The following BCAS3 variants were observed in gnomAD, a reference collection of about 807,000 sequenced individuals.
BCAS3 encodes the protein BCAS3 microtubule associated cell migration factor.
BCAS3 carries 53 observed loss-of-function variants against 116.1 expected under a neutral mutation model. The observed-to-expected ratio is 0.46, with a 90% CI of 0.37 to 0.57. The LOEUF is 0.57. BCAS3 is among the 20% of genes least tolerant of loss of function. The pLI is 0.00. For missense variants in BCAS3, 917 were observed against 1,165.4 expected, an observed-to-expected ratio of 0.79 and a Z score of 3.10; for synonymous variants, 391 against 408.2, an observed-to-expected ratio of 0.96 and a Z score of 0.51.
rs1031021699 is a variant in BCAS3, at chr17:61,037,411, A to G, written c.1763-478A>G. On this transcript the variant is annotated intron_variant, in intron 17 of 23. Coordinates refer to ENST00000407086, the MANE Select transcript of BCAS3 (RefSeq NM_017679.5). The surrounding 1 kb of genome is among the most constrained non-coding windows in gnomAD (Gnocchi z 4.7). ...TTGAAAATACTCTGATATCATAGAC[A>G]TTTTCATATTCACTAGCATGTGCTT... 3.9e-5 allele frequency among the ~76,000 whole-genome samples: 6 copies of G among 152,208 alleles called. No individual in the cohort carries two copies. Among genetic ancestry groups the G allele is most frequent in the African/African-American group, 1.4e-4 (6 of 41,444 alleles).
intron 14 of BCAS3, among the ~76,000 whole-genome samples, chr17:60,951,377 A>G (rs753511040): frequency 1.1e-4 from 16 of 152,172 alleles, no homozygotes; most frequent in African/African-American, 1.9e-4. Context: ...TTTTCATGAT[A>G]TAAGTAATAC....
intron 5 of BCAS3, among the ~76,000 whole-genome samples, chr17:60,742,324 C>G (rs1449824587): frequency 2.6e-5 from 4 of 151,994 alleles, no homozygotes; most frequent in African/African-American, 9.6e-5. Context: ...TCAGATAACC[C>G]CAAAGGGTCT....
chr17:60,976,020 C>CTTTT (rs755966067), intron 14 of BCAS3, among the ~76,000 whole-genome samples: 3,141 of 97,922 alleles, frequency 0.032, 547 homozygotes, highest in African/African-American at 0.12. Context: ...TAGATTTTTG[C>CTTTT]TTTTTTTTTT....
intron 22 of BCAS3, among the ~76,000 whole-genome samples, chr17:61,133,130 A>T (rs1322798530): frequency 1.3e-5 from 2 of 152,188 alleles, no homozygotes; most frequent in Non-Finnish European, 2.9e-5. Flanking sequence ...CCTCTGTCTC[A>T]ACCAAAACCA....
chr17:60,888,959 A>G (rs1486715196), intron 9 of BCAS3, among the ~76,000 whole-genome samples: 1 of 152,192 alleles, frequency 6.6e-6, no homozygotes, highest in African/African-American at 2.4e-5. Flanking sequence ...TAGCAATAGG[A>G]ACATAGTCAG....
intron 19 of BCAS3, among the ~76,000 whole-genome samples, chr17:61,047,863 G>A (rs2068490118): frequency 6.6e-6 from 1 of 152,034 alleles, no homozygotes. Flanking sequence ...CAGCAACAGT[G>A]TTTTTAAGTT....
intron 14 of BCAS3, among the ~76,000 whole-genome samples, chr17:60,966,739 G>A (rs1006246077): frequency 2.1e-5 from 3 of 144,386 alleles, no homozygotes; most frequent in Admixed American, 7.3e-5. Context: ...TGCAACCTCC[G>A]TCTCCTGGGT....
chr17:60,980,597 A>G (rs995964135), intron 14 of BCAS3: 1 of 150,740 alleles, frequency 6.6e-6, no homozygotes, highest in Non-Finnish European at 1.5e-5. Flanking sequence ...CAGTGCTGCA[A>G]TCACAGCTCA....
chr17:60,714,343 T>G (rs1449107638), intron 5 of BCAS3, among the ~76,000 whole-genome samples: 1 of 152,172 alleles, frequency 6.6e-6, no homozygotes, highest in Non-Finnish European at 1.5e-5. Context: ...TTTTTGCTTC[T>G]AGTATATGCT....
At chr17:60,844,321 A>G (rs993909466) in intron 7 of BCAS3, among the ~76,000 whole-genome samples, 1 of 152,220 alleles carries the variant, frequency 6.6e-6, no homozygotes, top group Non-Finnish European at 1.5e-5. Flanking sequence ...TATAAAAGGC[A>G]ATAGTTCCCT....
At chr17:60,850,345 GTTTTTTTTTTTTT>G (rs10573405) in intron 7 of BCAS3, among the ~76,000 whole-genome samples, 89 of 37,728 alleles carry the variant, frequency 2.4e-3, no homozygotes, top group Non-Finnish European at 3.4e-3. Context: ...TGGCACCACT[GTTTTTTTTTTTTT>G]TTTTTTTTTT....
At chr17:61,329,736 CGGGTGA>C (rs926847834) in intron 22 of BCAS3, among the ~76,000 whole-genome samples, 2 of 152,050 alleles carry the variant, frequency 1.3e-5, no homozygotes, top group African/African-American at 2.4e-5. Flanking sequence ...GGAATAGCTC[CGGGTGA>C]GGGTGAGGAG....
At chr17:61,187,955 G>C (rs2079877699) in intron 22 of BCAS3, among the ~76,000 whole-genome samples, 1 of 151,828 alleles carries the variant, frequency 6.6e-6, no homozygotes, top group Non-Finnish European at 1.5e-5. Context: ...TATCATTAAG[G>C]TATTTTTTTT....
chr17:61,035,563 A>T (rs907202516), intron 17 of BCAS3, among the ~76,000 whole-genome samples: 2 of 146,900 alleles, frequency 1.4e-5, no homozygotes, highest in African/African-American at 5.2e-5. Flanking sequence ...AGCCTGGGTG[A>T]CAGAGCAAGA....
intron 22 of BCAS3, among the ~76,000 whole-genome samples, chr17:61,172,006 C>T (rs1221647597): frequency 1.3e-5 from 2 of 152,042 alleles, no homozygotes; most frequent in South Asian, 2.1e-4. Flanking sequence ...AATATTATCA[C>T]AGAATAAGGA....
chr17:61,270,723 G>T (rs189327201), intron 22 of BCAS3, among the ~76,000 whole-genome samples: 102 of 152,136 alleles, frequency 6.7e-4, no homozygotes, highest in African/African-American at 2.4e-3. Flanking sequence ...TATAGTTTCA[G>T]GTTTATATTT....
intron 6 of BCAS3, among the ~76,000 whole-genome samples, chr17:60,781,665 T>C (rs1490683468): frequency 6.6e-6 from 1 of 152,112 alleles, no homozygotes; most frequent in Non-Finnish European, 1.5e-5. Context: ...ACATTTCTTC[T>C]TATTGTTTTT....
chr17:61,033,550 C>G (rs563211383), intron 16 of BCAS3, among the ~76,000 whole-genome samples: 1 of 152,270 alleles, frequency 6.6e-6, no homozygotes, highest in Non-Finnish European at 1.5e-5. Flanking sequence ...AAAACTATCT[C>G]TTTCCATCCC....
intron 7 of BCAS3, among the ~76,000 whole-genome samples, chr17:60,836,850 A>C (rs1220799954): frequency 6.6e-6 from 1 of 152,208 alleles, no homozygotes; most frequent in Non-Finnish European, 1.5e-5. Context: ...ATGTTAGATC[A>C]AGTTATGTAG....
Sources: gnomAD v4.1 joint callset for allele counts (sites outside exome capture counted in the v4.1 genomes callset) on GRCh38, gnomAD v4.1.1 for gene constraint, Gnocchi (gnomAD v3.1) non-coding constraint, MANE v1.5 for transcripts, NCBI Gene and HGNC (gene_info 2026-07-23, HGNC 2026-07-21) for gene names.